POLR3G: variants seen among roughly 807,000 people sequenced by gnomAD.
The protein encoded by POLR3G is RNA polymerase III subunit G, also known as DNA-directed RNA polymerase III subunit RPC7.
POLR3G carries 28 observed loss-of-function variants against 30.1 expected under a neutral mutation model. That is an observed-to-expected ratio of 0.93 (90% CI 0.69 to 1.27). POLR3G has a LOEUF of 1.27. Among genes scored for constraint, POLR3G ranks in the 50% most tolerant of loss-of-function variants. The pLI is 0.00. For missense variants in POLR3G, 254 were observed against 264.6 expected (o/e 0.96, Z 0.28); for synonymous variants, 79 against 82.5 (o/e 0.96, Z 0.23).
intron 1 of POLR3G, among the ~76,000 whole-genome samples, chr5:90,480,062 C>T (rs1247589711): frequency 6.6e-6 from 1 of 152,178 alleles, no homozygotes; most frequent in Non-Finnish European, 1.5e-5. Flanking sequence ...TTGATCAGTG[C>T]TCTCTGGCTC....
At chr5:90,501,327 TTCTG>T (rs200048869) in intron 5 of POLR3G, among the ~76,000 whole-genome samples, 2,155 of 152,330 alleles carry the variant, frequency 0.014, 58 homozygotes, top group African/African-American at 0.049. Flanking sequence ...GCAGTTTATC[TTCTG>T]TCTTTTATAC....
intron 3 of POLR3G, among the ~76,000 whole-genome samples, chr5:90,492,496 A>G (rs1751772546): frequency 6.6e-6 from 1 of 152,168 alleles, no homozygotes; most frequent in Non-Finnish European, 1.5e-5. Context: ...TTCTGGATTG[A>G]TTGTGTTAAC....
chr5:90,493,778 G>A (rs1751856017), intron 3 of POLR3G, among the ~76,000 whole-genome samples: 1 of 128,514 alleles, frequency 7.8e-6, no homozygotes, highest in South Asian at 2.6e-4. Flanking sequence ...CATTATCTCA[G>A]TTCACTGCAA....
intron 2 of POLR3G, among the ~76,000 whole-genome samples, chr5:90,487,543 C>T (rs1435730752): frequency 5.9e-5 from 9 of 151,754 alleles, no homozygotes; most frequent in Admixed American, 5.9e-4. Flanking sequence ...AGGTGCCCGC[C>T]ACCATGCCCG....
chr5:90,494,031 C>G (rs148537403), intron 3 of POLR3G, among the ~76,000 whole-genome samples: 1 of 152,096 alleles, frequency 6.6e-6, no homozygotes, highest in East Asian at 1.9e-4. Context: ...TTTTTAGATG[C>G]TTTTCATCAT....
At chr5:90,474,555 A>T, upstream of POLR3G, 1 of 503,168 alleles carries the variant, frequency 2.0e-6, no homozygotes, top group East Asian at 3.7e-5. Flanking sequence ...GGGGCGCAGG[A>T]GCTACCGCAG....
chr5:90,499,077 TATACAA>T (rs1418383070), intron 5 of POLR3G, among the ~76,000 whole-genome samples: 1 of 152,150 alleles, frequency 6.6e-6, no homozygotes, highest in Non-Finnish European at 1.5e-5. Flanking sequence ...TCCTTTGAAA[TATACAA>T]ATATAAATGT....
At chr5:90,492,515 A>G (rs1751773062) in intron 3 of POLR3G, among the ~76,000 whole-genome samples, 1 of 152,198 alleles carries the variant, frequency 6.6e-6, no homozygotes, top group African/African-American at 2.4e-5. Context: ...ACTGGTGATT[A>G]TAAATTTAAT....
At chr5:90,490,764 T>C (rs571171771) in intron 3 of POLR3G, 5 of 253,156 alleles carry the variant, frequency 2.0e-5, no homozygotes, top group South Asian at 2.0e-4. Flanking sequence ...AAAATAAAGG[T>C]TTTTCTATAA....
At chr5:90,493,825 A>G (rs958248256) in intron 3 of POLR3G, among the ~76,000 whole-genome samples, 1 of 150,340 alleles carries the variant, frequency 6.7e-6, no homozygotes, top group Non-Finnish European at 1.5e-5. Context: ...CTCTTGCCGC[A>G]GTCTCCCAAG....
At chr5:90,477,407 C>G (rs938346269) in intron 1 of POLR3G, among the ~76,000 whole-genome samples, 1 of 152,096 alleles carries the variant, frequency 6.6e-6, no homozygotes, top group African/African-American at 2.4e-5. Context: ...AAGGGAGAAT[C>G]CGGCCACAGG....
At chr5:90,490,279 T>TG (rs995957315) in intron 3 of POLR3G, among the ~76,000 whole-genome samples, 1 of 151,622 alleles carries the variant, frequency 6.6e-6, no homozygotes, top group African/African-American at 2.4e-5. Flanking sequence ...TAAGGGTTTT[T>TG]TTTTTTTTTT....
At chr5:90,499,721 A>G (rs1239807534) in intron 5 of POLR3G, among the ~76,000 whole-genome samples, 1 of 152,218 alleles carries the variant, frequency 6.6e-6, no homozygotes, top group African/African-American at 2.4e-5. Flanking sequence ...TATAATTGAC[A>G]TACAATACAA....
At position 90,512,199 on chromosome 5, in the gene POLR3G, G is replaced by A. The variant is rs1330094123; in HGVS notation, c.*60G>A. On this transcript the variant is annotated 3_prime_UTR_variant, in exon 8 of 8. Coordinates refer to ENST00000651687, the MANE Select transcript of POLR3G (RefSeq NM_006467.3). ...AGCTTCTGAACATTTGGACAGACTT[G>A]ATTTGTATTTTATTTCTGATAAGGA... 5 of 1,038,786 alleles carry A rather than the reference G, an allele frequency of 4.8e-6. No individual in the cohort carries two copies. Among genetic ancestry groups the A allele is most frequent in the Non-Finnish European group, 1.5e-6 (1 of 667,838 alleles). 64.3% of individuals were successfully genotyped at this position (1,038,786 alleles called of 1,614,324 possible).
At chr5:90,487,277 T>G (rs1468041028) in intron 2 of POLR3G, among the ~76,000 whole-genome samples, 2 of 151,862 alleles carry the variant, frequency 1.3e-5, no homozygotes, top group East Asian at 3.8e-4. Context: ...TATTTATTTA[T>G]TTTTTTCCAA....
At chr5:90,484,016 C>T (rs1221732044) in intron 1 of POLR3G, among the ~76,000 whole-genome samples, 2 of 152,194 alleles carry the variant, frequency 1.3e-5, no homozygotes, top group Non-Finnish European at 2.9e-5. Context: ...GTAGCTAAGA[C>T]TTCCACCAAA....
intron 3 of POLR3G, among the ~76,000 whole-genome samples, chr5:90,488,453 T>C (rs900448920): frequency 6.6e-6 from 1 of 152,134 alleles, no homozygotes. Context: ...GATTTTTTCT[T>C]ATGCATGTAT....
chr5:90,486,095 CACTTG>C (rs1251302048), intron 2 of POLR3G, among the ~76,000 whole-genome samples: 1 of 152,064 alleles, frequency 6.6e-6, no homozygotes, highest in Non-Finnish European at 1.5e-5. Flanking sequence ...CTTAGTATAC[CACTTG>C]ACTTTTTCCC....
intron 7 of POLR3G, among the ~76,000 whole-genome samples, chr5:90,508,036 T>C (rs1347328928): frequency 1.3e-5 from 2 of 152,176 alleles, no homozygotes; most frequent in African/African-American, 4.8e-5. Flanking sequence ...CTCTACCTAT[T>C]TTCCCTTTCA....
Sources: allele counts gnomAD v4.1 joint callset (sites outside exome capture counted in the v4.1 genomes callset), GRCh38; gene constraint gnomAD v4.1.1; transcripts MANE v1.5; gene names NCBI Gene and HGNC (gene_info 2026-07-23, HGNC 2026-07-21).